USP24: variants seen among roughly 807,000 people sequenced by gnomAD.
USP24 encodes the protein ubiquitin carboxyl-terminal hydrolase 24.
A neutral mutation model predicts 361.6 loss-of-function variants in USP24; 97 were observed. The ratio of observed to expected loss-of-function variants is 0.27; its 90% confidence interval spans 0.23 to 0.32. The LOEUF (loss-of-function observed/expected upper bound fraction) is 0.32, where lower values mean the gene tolerates loss of function less well. USP24 is among the 10% of genes least tolerant of loss of function. The pLI, the probability that USP24 is intolerant of heterozygous loss-of-function variation, is 1.00. For synonymous variants in USP24, 1,098 were observed against 1,124.6 expected (o/e 0.98, Z 0.47); for missense variants, 2,353 against 3,165.6 (o/e 0.74, Z 6.16).
Position 55,121,444 on chromosome 1 carries a change from T to G in USP24, c.4339A>C (p.Ser1447Arg), listed in dbSNP as rs558109924. ...FIIDILLGSPSAEIRRVACDQ... is the reference protein window; with the variant it reads ...FIIDILLGSPRAEIRRVACDQ... ...ATGTGAAAAATCCTTACCTCAGCAC[T>G]TGGTGATCCGAGCAGAATATCAATG... Residue 1447 changes from serine to arginine, a missense_variant, in exon 37 of 68, where the codon AGT becomes CGT. By Grantham distance (110) the Ser-to-Arg change is moderately radical. Transcript: ENST00000294383. 2.5e-5 allele frequency: 40 copies of G among 1,613,524 alleles called. No homozygotes were observed. The South Asian group carries it at 4.3e-4, about 17-fold the overall frequency.
chr1:55,151,145 T>C (rs887658122), intron 16 of USP24, among the ~76,000 whole-genome samples: 2 of 151,626 alleles, frequency 1.3e-5, no homozygotes, highest in African/African-American at 4.8e-5. Context: ...AAAAAGTAAG[T>C]TGAATGAAAC....
Position 55,068,812 on chromosome 1 carries a change from C to A in USP24, c.*233G>T. ...CAGAAATGTGAATCCACATATAGAC[C>A]ACGCTCCCGGGACAGCTGATCCACA... On this transcript the variant is annotated 3_prime_UTR_variant, in exon 68 of 68. Transcript: ENST00000294383. The A allele has an allele frequency of 1.8e-6, 1 of 545,086 alleles. No individual in the cohort carries two copies. The highest frequency in any genetic ancestry group is 3.2e-6 in the Non-Finnish European group (1 of 309,120). 33.8% of individuals were successfully genotyped at this position (545,086 alleles called of 1,614,324 possible).
chr1:55,069,153 G>A, intron 67 of USP24, 46 bp from the exon 68 acceptor site: 1 of 1,596,438 alleles, frequency 6.3e-7, no homozygotes, highest in Non-Finnish European at 8.6e-7. Context: ...TTAGAGAAAA[G>A]GTTTTCTATG....
intron 1 of USP24, among the ~76,000 whole-genome samples, chr1:55,213,769 G>A (rs1390419494): frequency 1.3e-5 from 2 of 152,022 alleles, no homozygotes; most frequent in Admixed American, 6.6e-5. Context: ...AGAAGAGTCC[G>A]TTTTCTTCCC....
intron 28 of USP24, among the ~76,000 whole-genome samples, chr1:55,136,052 T>G (rs992167090): frequency 6.6e-6 from 1 of 151,556 alleles, no homozygotes; most frequent in Admixed American, 6.6e-5. Flanking sequence ...GAGAGAGAGA[T>G]AAACAAGATA....
chr1:55,178,715 ATAAATAAATAAAT>A lies in USP24; in HGVS notation c.325-596_325-584del, dbSNP rs1187918142. ...AATAAATAAATAAATAAATAAATAA[ATAAATAAATAAAT>A]AAAAAGAACTGTCTAGGCCGGACAT... On this transcript the variant is annotated intron_variant, in intron 1 of 67. Coordinates refer to ENST00000294383, the MANE Select transcript of USP24 (RefSeq NM_015306.3). 8.3e-4 allele frequency among the ~76,000 whole-genome samples: 107 copies of A among 129,564 alleles called. 1 individual carries two copies. Among genetic ancestry groups the A allele is most frequent in the African/African-American group, 4.1e-3 (103 of 25,202 alleles). The allele number at this position is 129,564 out of a possible 152,430, so 85.0% of individuals were successfully genotyped here.
intron 8 of USP24, among the ~76,000 whole-genome samples, chr1:55,160,884 C>T (rs1294645426): frequency 2.6e-5 from 4 of 152,150 alleles, no homozygotes; most frequent in African/African-American, 9.7e-5. Context: ...AAAGTCCAAT[C>T]ACTTTGCCTC....
intron 1 of USP24, among the ~76,000 whole-genome samples, chr1:55,180,585 G>A (rs541401200): frequency 3.9e-5 from 6 of 152,202 alleles, no homozygotes; most frequent in African/African-American, 7.2e-5. Flanking sequence ...CAGAATCTAC[G>A]GGCACAATCA....
chr1:55,070,269 A>G (rs1317242241), intron 67 of USP24, among the ~76,000 whole-genome samples: 1 of 152,172 alleles, frequency 6.6e-6, no homozygotes, highest in Non-Finnish European at 1.5e-5. Context: ...CTGGATGTTC[A>G]TGTTCAGAAA....
At chr1:55,177,837 G>C in intron 2 of USP24, 130 bp downstream of exon 2, 1 of 810,596 alleles carries the variant, frequency 1.2e-6, no homozygotes, top group South Asian at 2.3e-5. Context: ...TTCTGCAGGA[G>C]ATAAGTGAAG....
At position 55,104,035 on chromosome 1, in the gene USP24, C is replaced by T. The variant is rs769442570; in HGVS notation, c.4881-15G>A. The T allele has an allele frequency of 1.9e-6, 3 of 1,588,622 alleles. No homozygotes were observed. Among genetic ancestry groups the T allele is most frequent in the South Asian group, 1.2e-5 (1 of 86,924 alleles). ...CTGTACTACACCTAGAAACAAAAGA[C>T]ACAAGTCAATTTCAACAATGAATAA... On this transcript the variant is annotated splice_polypyrimidine_tract_variant and intron_variant, in intron 41 of 67. Transcript: ENST00000294383.
chr1:55,074,135 C>CA (rs1232571536), intron 63 of USP24, among the ~76,000 whole-genome samples: 6 of 127,032 alleles, frequency 4.7e-5, no homozygotes, highest in South Asian at 2.6e-4. Context: ...AAAACCACAA[C>CA]AAAAAAAACA....
intron 3 of USP24, 138 bp downstream of exon 3, chr1:55,176,238 A>T: frequency 1.7e-6 from 1 of 576,858 alleles, no homozygotes; most frequent in Non-Finnish European, 2.9e-6. Flanking sequence ...TTTTCATATT[A>T]GAGGATTCCT....
At position 55,146,016 on chromosome 1, in the gene USP24, A is replaced by G. The variant is rs745942633; in HGVS notation, c.2344T>C (p.Tyr782His). 2 of 1,611,726 alleles carry G rather than the reference A, an allele frequency of 1.2e-6. No homozygotes were observed. Among genetic ancestry groups the G allele is most frequent in the Non-Finnish European group, 1.7e-6 (2 of 1,178,656 alleles). Residue 782 changes from tyrosine to histidine, a missense_variant, in exon 20 of 68, where the codon TAT becomes CAT. Physicochemically the swap from Tyr to His is moderately conservative, Grantham distance 83. This residue lies in a region of USP24 where 949 missense variants were observed against 1,280.5 expected (regional missense o/e 0.74). Transcript: ENST00000294383. ...FKEKILKLES[Y>H]EITMNGFNLF... ...TTCCTACCATTCATAGTGATTTCAT[A>G]TGACTCCAATTTAAGAATTTTCTCC... is the stretch of plus-strand genomic sequence containing the variant.
intron 1 of USP24, among the ~76,000 whole-genome samples, chr1:55,205,338 C>T (rs1248891956): frequency 6.6e-6 from 1 of 151,968 alleles, no homozygotes; most frequent in Non-Finnish European, 1.5e-5. Flanking sequence ...GATATGGGGG[C>T]AGGACAAGGG....
chr1:55,118,319 AT>A (rs1279102772), intron 38 of USP24, among the ~76,000 whole-genome samples: 17 of 152,196 alleles, frequency 1.1e-4, no homozygotes, highest in African/African-American at 4.1e-4. Context: ...TATGGTCCTG[AT>A]TTTCATCAAG....
At chr1:55,116,580 C>A (rs1373249300) in intron 38 of USP24, among the ~76,000 whole-genome samples, 3 of 151,646 alleles carry the variant, frequency 2.0e-5, no homozygotes, top group African/African-American at 7.3e-5. Context: ...AGACAAATTC[C>A]TAGCAACACA....
chr1:55,070,369 C>A (rs990243722), intron 67 of USP24, among the ~76,000 whole-genome samples: 3 of 152,070 alleles, frequency 2.0e-5, no homozygotes, highest in African/African-American at 7.2e-5. Context: ...CCAGAAGAGG[C>A]AGTACTAGGA....
At chr1:55,119,541 T>C (rs550117300) in intron 38 of USP24, among the ~76,000 whole-genome samples, 7 of 152,266 alleles carry the variant, frequency 4.6e-5, no homozygotes, top group African/African-American at 1.7e-4. Flanking sequence ...CGGAATTGTA[T>C]ACCTCATGGT....
Sources: gnomAD v4.1 joint callset for allele counts (sites outside exome capture counted in the v4.1 genomes callset) on GRCh38, gnomAD v4.1.1 for gene constraint, gnomAD v4.1.1 regional missense constraint, MANE v1.5 for transcripts, NCBI Gene and HGNC (gene_info 2026-07-23, HGNC 2026-07-21) for gene names.